Variants in FSIP1 observed in about 807,000 individuals in gnomAD.
FSIP1 encodes the protein fibrous sheath interacting protein 1.
In FSIP1, 65 loss-of-function variants were observed where a neutral mutation model predicts 60.9. The observed-to-expected ratio is 1.07, with a 90% CI of 0.87 to 1.31. The LOEUF (loss-of-function observed/expected upper bound fraction) is 1.31. FSIP1 is among the 40% of genes most tolerant of loss of function. The pLI, the probability that FSIP1 is intolerant of heterozygous loss-of-function variation, is 0.00. For missense variants in FSIP1, 675 were observed against 665.5 expected (o/e 1.01, Z -0.16); for synonymous variants, 209 against 221.2 (o/e 0.94, Z 0.49).
intron 2 of FSIP1, among the ~76,000 whole-genome samples, chr15:39,771,800 C>T (rs548099347): frequency 7.2e-5 from 11 of 152,196 alleles, no homozygotes; most frequent in Non-Finnish European, 1.2e-4. Flanking sequence ...TGTTCAAAAA[C>T]ATATTTCTGC....
intron 5 of FSIP1, among the ~76,000 whole-genome samples, chr15:39,752,146 A>C (rs979492935): frequency 8.6e-5 from 13 of 151,968 alleles, no homozygotes; most frequent in African/African-American, 3.1e-4. Context: ...TTTTGTTGCT[A>C]TTGTTTTTGA....
intron 10 of FSIP1, among the ~76,000 whole-genome samples, chr15:39,659,062 A>C (rs1047020924): frequency 1.3e-5 from 2 of 152,244 alleles, no homozygotes; most frequent in Non-Finnish European, 2.9e-5. Flanking sequence ...AACACCAAAG[A>C]CCACATATTG....
intron 5 of FSIP1, among the ~76,000 whole-genome samples, chr15:39,752,707 G>A (rs139245584): frequency 3.7e-4 from 57 of 152,066 alleles, no homozygotes; most frequent in African/African-American, 1.4e-3. Context: ...AGGCATGAGG[G>A]TTAAATGGAA....
intron 10 of FSIP1, among the ~76,000 whole-genome samples, chr15:39,657,350 A>G (rs1893110988): frequency 6.6e-6 from 1 of 152,174 alleles, no homozygotes; most frequent in Admixed American, 6.5e-5. Flanking sequence ...AGATTACACA[A>G]TTTACAAACT....
intron 10 of FSIP1, among the ~76,000 whole-genome samples, chr15:39,630,725 A>C (rs1167398563): frequency 6.6e-6 from 1 of 152,232 alleles, no homozygotes; most frequent in Admixed American, 6.5e-5. Context: ...ATGAAGCCAG[A>C]CTATAAAGTT....
chr15:39,617,613 A>T lies in FSIP1; in HGVS notation c.1699+122T>A, dbSNP rs970845342. The T allele has an allele frequency of 1.3e-5, 10 of 789,258 alleles. No homozygotes were observed. In the African/African-American group the frequency reaches 1.4e-4, roughly 11 times the overall value. The allele number at this position is 789,258 out of a possible 1,614,324, so 48.9% of individuals were successfully genotyped here. A position where few individuals can be genotyped will look rare whatever the true frequency, so the allele number is the denominator to read the frequency against. On this transcript the variant is annotated intron_variant, in intron 11 of 11. Transcript: ENST00000350221. Reference sequence around the variant, plus strand: ...ATAGGTTTTATGTTTGCATACTCTTATTGACGCTACCTGTGACTTACAAAC... The same window carrying T: ...ATAGGTTTTATGTTTGCATACTCTTTTTGACGCTACCTGTGACTTACAAAC...
intron 1 of FSIP1, among the ~76,000 whole-genome samples, chr15:39,781,167 C>T (rs1898253126): frequency 6.6e-6 from 1 of 152,106 alleles, no homozygotes; most frequent in African/African-American, 2.4e-5. Flanking sequence ...TTTGGACACA[C>T]ACATCACCCC....
chr15:39,761,168 C>T (rs549358468), intron 5 of FSIP1, among the ~76,000 whole-genome samples: 1 of 152,194 alleles, frequency 6.6e-6, no homozygotes, highest in South Asian at 2.1e-4. Context: ...TATGGAGGAT[C>T]CTCAAAAAAC....
chr15:39,645,519 G>T (rs1198762446), intron 10 of FSIP1, among the ~76,000 whole-genome samples: 3 of 152,162 alleles, frequency 2.0e-5, no homozygotes, highest in Non-Finnish European at 4.4e-5. Flanking sequence ...GGGGAGCCAG[G>T]AACAGTCAGG....
At chr15:39,767,051 T>C (rs1225385802) in intron 3 of FSIP1, among the ~76,000 whole-genome samples, 1 of 152,156 alleles carries the variant, frequency 6.6e-6, no homozygotes, top group Non-Finnish European at 1.5e-5. Flanking sequence ...GGTCTCACTA[T>C]GGTGCCCAGG....
chr15:39,745,221 T>C (rs1896954411), intron 5 of FSIP1, among the ~76,000 whole-genome samples: 2 of 151,682 alleles, frequency 1.3e-5, no homozygotes, highest in African/African-American at 4.8e-5. Flanking sequence ...AATACTGAAT[T>C]ATGCCATACA....
chr15:39,770,493 A>G lies in FSIP1; in HGVS notation c.244T>C (p.Leu82=), dbSNP rs776686479. The change falls in exon 3 of 12, where the codon TTG becomes CTG. Residue 82 remains leucine (L), a synonymous_variant. Coordinates refer to ENST00000350221, the MANE Select transcript of FSIP1 (RefSeq NM_152597.5). ...TCTTCATCTGATCCCTCTTCAGCCA[A>G]TTTTATTTTCTCAGAGCAGCTTTCC... ...KQESCSEKIK[L]AEEGSDEDLD... is the part of the protein sequence containing the mutation. 2 of 1,611,866 alleles carry G rather than the reference A, an allele frequency of 1.2e-6. No individual in the cohort carries two copies. The highest frequency in any genetic ancestry group is 8.5e-7 in the Non-Finnish European group (1 of 1,179,630).
chr15:39,714,700 G>A (rs1428838091), intron 9 of FSIP1, among the ~76,000 whole-genome samples: 1 of 151,626 alleles, frequency 6.6e-6, no homozygotes, highest in Admixed American at 6.6e-5. Context: ...CAGGCCTGGT[G>A]GCTCATACCT....
intron 9 of FSIP1, among the ~76,000 whole-genome samples, chr15:39,719,264 C>T (rs915733795): frequency 2.0e-5 from 3 of 152,158 alleles, no homozygotes; most frequent in African/African-American, 7.2e-5. Context: ...CTTGATTTCT[C>T]ATAGTAGAAA....
intron 10 of FSIP1, 47 bp from the exon 11 acceptor site, chr15:39,618,292 CA>C (rs1339093389): frequency 6.7e-7 from 1 of 1,496,088 alleles, no homozygotes; most frequent in Non-Finnish European, 9.0e-7. Flanking sequence ...ACTGAGTAAA[CA>C]CATTTATTTT....
chr15:39,618,109 G>C lies in FSIP1; in HGVS notation c.1325C>G (p.Pro442Arg), dbSNP rs1891306070. The C allele has an allele frequency of 6.2e-7, 1 of 1,613,998 alleles. No individual in the cohort carries two copies. The highest frequency in any genetic ancestry group is 1.7e-5 in the Admixed American group (1 of 60,006). ...EDIEDVTPVF[P>R]QLSRSIISKL... ...AGAGATGATGGACCTGGAAAGCTGGGGGAACACAGGTGTTACGTCCTCAAT... is the reference window on the plus strand; with the variant it reads ...AGAGATGATGGACCTGGAAAGCTGGCGGAACACAGGTGTTACGTCCTCAAT... The change falls in exon 11 of 12, where the codon CCC becomes CGC. Residue 442 changes from proline (P) to arginine (R), a missense_variant. Pro to Arg is a moderately radical substitution (Grantham distance 103). Transcript: ENST00000350221.
chr15:39,635,039 T>C lies in FSIP1; in HGVS notation c.1189-16794A>G, dbSNP rs540959097. 9.2e-5 allele frequency among the ~76,000 whole-genome samples: 14 copies of C among 152,088 alleles called. No individual in the cohort carries two copies. The South Asian group carries it at 2.7e-3, about 29-fold the overall frequency. On this transcript the variant is annotated intron_variant, in intron 10 of 11. Transcript: ENST00000350221. Reference sequence around the variant, plus strand: ...TTATTCTCTGCTTATGTGCCTTTAGTAAAAAAAGCATTTGGGCTGGGTGCG... The same window carrying C: ...TTATTCTCTGCTTATGTGCCTTTAGCAAAAAAAGCATTTGGGCTGGGTGCG...
intron 10 of FSIP1, among the ~76,000 whole-genome samples, chr15:39,643,851 C>T (rs905889834): frequency 1.3e-5 from 2 of 152,198 alleles, no homozygotes; most frequent in African/African-American, 4.8e-5. Context: ...TGAATCTCAG[C>T]TTCAAAACTT....
chr15:39,620,171 T>C (rs890522671), intron 10 of FSIP1, among the ~76,000 whole-genome samples: 1 of 152,062 alleles, frequency 6.6e-6, no homozygotes, highest in Non-Finnish European at 1.5e-5. Context: ...AAAAGTTACA[T>C]GAGAAAGGAT....
Sources: gnomAD v4.1 joint callset for allele counts (sites outside exome capture counted in the v4.1 genomes callset) on GRCh38, gnomAD v4.1.1 for gene constraint, MANE v1.5 for transcripts, NCBI Gene and HGNC (gene_info 2026-07-23, HGNC 2026-07-21) for gene names.